The following TPST1 variants were observed in gnomAD, a reference collection of about 807,000 sequenced individuals.
TPST1 encodes tyrosylprotein sulfotransferase 1.
A neutral mutation model predicts 34.8 loss-of-function variants in TPST1; 20 were observed. The observed-to-expected ratio is 0.57, with a 90% CI of 0.40 to 0.84. TPST1 has a LOEUF of 0.84. TPST1 is among the 40% of genes least tolerant of loss of function. TPST1 has a pLI of 0.00. For missense variants in TPST1, 353 were observed against 455.5 expected, an observed-to-expected ratio of 0.78 and a Z score of 2.05; for synonymous variants, 152 against 159.4, an observed-to-expected ratio of 0.95 and a Z score of 0.35.
intron 1 of TPST1, among the ~76,000 whole-genome samples, chr7:66,224,901 C>CTTTTTTTT (rs780952403): frequency 0.012 from 523 of 42,438 alleles, 94 homozygotes; most frequent in South Asian, 0.016. Context: ...TTCTGGTATT[C>CTTTTTTTT]TTTTTTTTTT....
chr7:66,231,714 G>A (rs1187711754), intron 1 of TPST1, among the ~76,000 whole-genome samples: 1 of 152,206 alleles, frequency 6.6e-6, no homozygotes, highest in South Asian at 2.1e-4. Flanking sequence ...TCCCGCTCGC[G>A]CCTCTCCCTC....
upstream of TPST1, among the ~76,000 whole-genome samples, chr7:66,201,640 G>A (rs924922505): frequency 6.6e-6 from 1 of 151,650 alleles, no homozygotes; most frequent in Non-Finnish European, 1.5e-5. Flanking sequence ...GCAGTCAGCC[G>A]ATATCATGCC....
chr7:66,317,367 CTTGT>C (rs1363671507), intron 3 of TPST1, among the ~76,000 whole-genome samples: 2 of 152,192 alleles, frequency 1.3e-5, no homozygotes, highest in East Asian at 3.9e-4. Context: ...CCTTTTCTAG[CTTGT>C]TTAATTGAAC....
At chr7:66,310,846 G>A (rs963210620) in intron 3 of TPST1, among the ~76,000 whole-genome samples, 23 of 131,396 alleles carry the variant, frequency 1.8e-4, no homozygotes, top group African/African-American at 7.0e-4. Context: ...TATGAGACAG[G>A]GTCTCGCTCT....
intron 4 of TPST1, among the ~76,000 whole-genome samples, chr7:66,355,830 A>T (rs994241499): frequency 6.7e-6 from 1 of 150,226 alleles, no homozygotes; most frequent in African/African-American, 2.5e-5. Flanking sequence ...GCTTGAACTC[A>T]GGAGGCAGAG....
chr7:66,215,771 C>CTTTTTTTTTTTTTTTTTTTT lies in TPST1; in HGVS notation c.-102+10252_-102+10253insTTTTTTTTTTTTTTTTTTTT, dbSNP rs772346557. On this transcript the variant is annotated intron_variant, in intron 1 of 5. Transcript: ENST00000304842. ...CCATCTTGTCCTGGTTTTTCTTTTT[C>CTTTTTTTTTTTTTTTTTTTT]TTTCTTTTTTTTTTTTTTTGAGACG... Among the ~76,000 whole-genome samples, 3 of 108,536 alleles carry CTTTTTTTTTTTTTTTTTTTT rather than the reference C, an allele frequency of 2.8e-5. 1 individual carries two copies. Among genetic ancestry groups the CTTTTTTTTTTTTTTTTTTTT allele is most frequent in the African/African-American group, 3.7e-5 (1 of 27,206 alleles). 71.2% of individuals were successfully genotyped at this position (108,536 alleles called of 152,430 possible).
intron 1 of TPST1, among the ~76,000 whole-genome samples, chr7:66,230,758 C>G (rs1243318398): frequency 3.9e-5 from 6 of 152,174 alleles, no homozygotes; most frequent in Admixed American, 2.6e-4. Flanking sequence ...CCACTGCTGG[C>G]TTGGGCAGCC....
intron 3 of TPST1, among the ~76,000 whole-genome samples, chr7:66,348,719 G>T (rs1344469082): frequency 6.6e-6 from 1 of 152,190 alleles, no homozygotes; most frequent in East Asian, 1.9e-4. Flanking sequence ...TAGTGGGTCA[G>T]TTTTCTGCAC....
chr7:66,281,763 T>G (rs1307477420), intron 2 of TPST1, among the ~76,000 whole-genome samples: 1 of 152,194 alleles, frequency 6.6e-6, no homozygotes, highest in Non-Finnish European at 1.5e-5. Flanking sequence ...TGGTTTCTTG[T>G]AGTAGTTGCT....
intron 2 of TPST1, among the ~76,000 whole-genome samples, chr7:66,272,262 T>A (rs773883443): frequency 2.0e-5 from 3 of 152,192 alleles, no homozygotes; most frequent in African/African-American, 4.8e-5. Context: ...TTTATAAGGA[T>A]CATTCACCAT....
At chr7:66,227,472 G>A (rs1207581872) in intron 1 of TPST1, among the ~76,000 whole-genome samples, 3 of 151,936 alleles carry the variant, frequency 2.0e-5, no homozygotes, top group African/African-American at 7.3e-5. Flanking sequence ...GCCCAGACTG[G>A]AGGGCAGTGG....
chr7:66,328,011 C>CTTTTTTTTTTTTTTTT (rs35582736), intron 3 of TPST1, among the ~76,000 whole-genome samples: 2 of 39,514 alleles, frequency 5.1e-5, no homozygotes, highest in East Asian at 8.0e-4. Flanking sequence ...TTTTCCTTTC[C>CTTTTTTTTTTTTTTTT]TTTTTTTTTT....
chr7:66,256,490 T>C (rs1431702789), intron 2 of TPST1, among the ~76,000 whole-genome samples: 1 of 152,222 alleles, frequency 6.6e-6, no homozygotes, highest in Admixed American at 6.5e-5. Context: ...ATGTGGTATT[T>C]GGCAAGATTC....
At chr7:66,305,813 G>T (rs1297280787) in intron 3 of TPST1, among the ~76,000 whole-genome samples, 1 of 152,168 alleles carries the variant, frequency 6.6e-6, no homozygotes, top group Non-Finnish European at 1.5e-5. Flanking sequence ...CGATTTTCTT[G>T]TTCTTGTATC....
chr7:66,234,396 T>C (rs1309296907), intron 1 of TPST1, among the ~76,000 whole-genome samples: 7 of 45,164 alleles, frequency 1.5e-4, no homozygotes, highest in African/African-American at 6.7e-4. Flanking sequence ...AATAAAAGCA[T>C]GGCTACACAC....
the TPST1 span, among the ~76,000 whole-genome samples, chr7:66,199,495 A>G: frequency 6.6e-6 from 1 of 151,702 alleles, no homozygotes; most frequent in East Asian, 1.9e-4. Context: ...GGGTTTCACC[A>G]TGTTGGCCAG....
intron 2 of TPST1, among the ~76,000 whole-genome samples, chr7:66,266,663 A>G (rs996939208): frequency 1.3e-5 from 2 of 152,382 alleles, no homozygotes; most frequent in Admixed American, 1.3e-4. Flanking sequence ...TATAAATAAA[A>G]TACATTATAT....
chr7:66,251,799 T>A (rs1188394029), intron 2 of TPST1, among the ~76,000 whole-genome samples: 1 of 152,140 alleles, frequency 6.6e-6, no homozygotes, highest in African/African-American at 2.4e-5. Flanking sequence ...GGTTCTTTTT[T>A]TTTTTCTCTG....
chr7:66,345,489 CAAAAAAAAAAA>C (rs58837242), intron 3 of TPST1, among the ~76,000 whole-genome samples: 3 of 64,870 alleles, frequency 4.6e-5, no homozygotes, highest in East Asian at 4.9e-4. Context: ...ACTCCATCTC[CAAAAAAAAAAA>C]AAAAAAAAAA....
Sources: gnomAD v4.1 joint callset for allele counts (sites outside exome capture counted in the v4.1 genomes callset) on GRCh38, gnomAD v4.1.1 for gene constraint, MANE v1.5 for transcripts, NCBI Gene and HGNC (gene_info 2026-07-23, HGNC 2026-07-21) for gene names.